The following WDR18 variants were observed in gnomAD, a reference collection of about 807,000 sequenced individuals.
WDR18 encodes WD repeat-containing protein 18.
A neutral mutation model predicts 49.6 loss-of-function variants in WDR18; 33 were observed. The ratio of observed to expected loss-of-function variants is 0.67; its 90% CI spans 0.50 to 0.89. The LOEUF (loss-of-function observed/expected upper bound fraction) is 0.89, where lower values mean the gene tolerates loss of function less well. WDR18 is among the 40% of genes least tolerant of loss of function. The pLI, the probability that WDR18 is intolerant of heterozygous loss-of-function variation, is 0.00. For synonymous variants in WDR18, 315 were observed against 263.6 expected (o/e 1.19, Z -1.89); for missense variants, 653 against 593.6 (o/e 1.10, Z -1.04).
rs748069476 is a variant in WDR18 at position 984,453 on chromosome 19, T to C, written c.100T>C (p.Tyr34His). Reference protein sequence around the residue: ...ELHSGANLLTYRGGQAGPRGL... With the variant: ...ELHSGANLLTHRGGQAGPRGL... The stretch of plus-strand genomic sequence containing the variant: ...TCACTCGGGCGCCAACCTGCTCACC[T>C]ACCGCGGCGGCCAGGCGGGACCCCG... The change falls in exon 1 of 10, where the codon TAC becomes CAC. Residue 34 changes from tyrosine (Y) to histidine (H), a missense_variant. Transcript: ENST00000585809. The C allele has an allele frequency of 2.3e-5, 36 of 1,594,968 alleles. No individual in the cohort carries two copies. Among genetic ancestry groups the C allele is most frequent in the East Asian group, 9.2e-5 (4 of 43,250 alleles).
intron 7 of WDR18, 117 bp from the exon 8 acceptor site, chr19:991,838 G>A: frequency 8.8e-7 from 1 of 1,141,058 alleles, no homozygotes; most frequent in East Asian, 4.2e-5. Flanking sequence ...GGCGTGGACT[G>A]GCTGTGGGGC....
chr19:991,908 TGGGGCCTGGCTGGGATGGGGC>T (rs757315862), intron 7 of WDR18, 26 bp from the exon 8 acceptor site: 119 of 1,307,208 alleles, frequency 9.1e-5, no homozygotes, highest in East Asian at 6.3e-4. Flanking sequence ...TGCTGTGGGG[TGGGGCCTGGCTGGGATGGGGC>T]GGGGCCTGAC....
chr19:990,981 G>C lies in WDR18; in HGVS notation c.727G>C (p.Asp243His), dbSNP rs138607077. 5 of 1,609,200 alleles carry C rather than the reference G, an allele frequency of 3.1e-6. No homozygotes were observed. In the African/African-American group the frequency reaches 6.7e-5, roughly 21 times the overall value. Residue 243 changes from aspartate to histidine, a missense_variant, in exon 5 of 10, where the codon GAC becomes CAC. Asp to His is a moderately conservative substitution (Grantham distance 81). Transcript: ENST00000585809. ...CAGTGAGGGCTCCATCTTCCAGGTC[G>C]ACCTCTTCACCTGGGTGAGTGCCGC... ...GGSEGSIFQV[D>H]LFTWPGQRER...
At chr19:991,053 C>T (rs374991222) in intron 5 of WDR18, 28 bp from the exon 6 acceptor site, 16 of 1,600,336 alleles carry the variant, frequency 1.0e-5, no homozygotes, top group African/African-American at 1.3e-5. Context: ...ATCGGGCCTG[C>T]GGCTCACACA....
rs1480628522 is a variant in WDR18, at chr19:992,061, C to A, written c.1038C>A (p.Ala346=). The A allele has an allele frequency of 1.3e-6, 2 of 1,572,564 alleles. No individual in the cohort carries two copies. Among genetic ancestry groups the A allele is most frequent in the South Asian group, 1.1e-5 (1 of 87,132 alleles). Residue 346 remains alanine (A), a synonymous_variant, in exon 8 of 10, where the codon GCC becomes GCA. Transcript: ENST00000585809. The part of the protein sequence containing the change: ...LPHFNKHLLG[A]EHGDEPRHGG... ...ACTTCAACAAGCACCTGCTGGGCGC[C>A]GAGCACGGGGACGAGCCGCGCCACG...
At chr19:983,561 CT>C (rs34868789), upstream of WDR18, among the ~76,000 whole-genome samples, 6,805 of 141,672 alleles carry the variant, frequency 0.048, 327 homozygotes, top group African/African-American at 0.12. Context: ...AGCGCCCGGC[CT>C]TTTTTTTTTT....
At chr19:983,762 G>A (rs115280208), upstream of WDR18, among the ~76,000 whole-genome samples, 32 of 151,982 alleles carry the variant, frequency 2.1e-4, no homozygotes, top group African/African-American at 7.2e-4. Flanking sequence ...ACACTGGGCC[G>A]GGCGCGGTGG....
upstream of WDR18, among the ~76,000 whole-genome samples, chr19:983,405 C>G (rs1208164508): frequency 1.3e-5 from 2 of 152,098 alleles, no homozygotes; most frequent in African/African-American, 4.8e-5. Context: ...GATTCTCCTG[C>G]CTCAGCCTCC....
chr19:994,396 G>A lies in WDR18; in HGVS notation c.*52G>A. ...CCAGGCCTGAGCCCCATGCCTCCCA[G>A]CAACCAGGGCCCGCGGGTGTGGCCC... On this transcript the variant is annotated 3_prime_UTR_variant, in exon 10 of 10. Coordinates refer to ENST00000585809, the MANE Select transcript of WDR18 (RefSeq NM_024100.4). The A allele has an allele frequency of 6.4e-7, 1 of 1,559,986 alleles. No homozygotes were observed.
Position 985,397 on chromosome 19 carries a change from T to A in WDR18, c.211-468T>A, listed in dbSNP as rs191667859. Among the ~76,000 whole-genome samples the A allele has an allele frequency of 5.1e-4, 78 of 152,280 alleles. 1 individual carries two copies. The South Asian group carries it at 0.015, about 29-fold the overall frequency. ...GTTGGCCAGGCTGGTCTCGAACTCC[T>A]GACCTCAAGTGATCTGCCCACCTCA... is the stretch of plus-strand genomic sequence containing the variant. On this transcript the variant is annotated intron_variant, in intron 1 of 9. Coordinates refer to ENST00000585809, the MANE Select transcript of WDR18 (RefSeq NM_024100.4).
chr19:990,072 G>C (rs2038523326), intron 3 of WDR18, 151 bp from the exon 4 acceptor site: 26 of 1,376,498 alleles, frequency 1.9e-5, no homozygotes, highest in Non-Finnish European at 2.5e-5. Flanking sequence ...TTGTTCTGGG[G>C]GCCGTGGGGG....
In WDR18 at chr19:991,942, C is replaced by A; in HGVS notation, c.932-13C>A. ...GCTGGGATGGGGCGGGGCCTGACCT[C>A]CGCGCCCCCCAGGCCCAGTCACCAA... is the stretch of plus-strand genomic sequence containing the variant. On this transcript the variant is annotated splice_polypyrimidine_tract_variant and intron_variant, in intron 7 of 9. Coordinates refer to ENST00000585809, the MANE Select transcript of WDR18 (RefSeq NM_024100.4). 2 of 1,560,652 alleles carry A rather than the reference C, an allele frequency of 1.3e-6. No homozygotes were observed. Among genetic ancestry groups the A allele is most frequent in the South Asian group, 1.2e-5 (1 of 86,084 alleles).
At chr19:984,043 C>T (rs2038446299), upstream of WDR18, among the ~76,000 whole-genome samples, 1 of 152,216 alleles carries the variant, frequency 6.6e-6, no homozygotes, top group Admixed American at 6.5e-5. Flanking sequence ...GAGCTTGAGT[C>T]ACTTGGCCAA....
Position 992,133 on chromosome 19 carries a change from A to T in WDR18, c.1098+12A>T, listed in dbSNP as rs907986689. On this transcript the variant is annotated intron_variant, in intron 8 of 9. Coordinates refer to ENST00000585809, the MANE Select transcript of WDR18 (RefSeq NM_024100.4). The stretch of plus-strand genomic sequence containing the variant: ...GCCTCCACCAGCAGGTACGGCCCCC[A>T]GCAGGGAACCCCCACTGCCCTTTTG... 4 of 1,449,618 alleles carry T rather than the reference A, an allele frequency of 2.8e-6. No homozygotes were observed. Among genetic ancestry groups the T allele is most frequent in the Non-Finnish European group, 3.6e-6 (4 of 1,108,242 alleles). 89.8% of individuals were successfully genotyped at this position (1,449,618 alleles called of 1,614,324 possible). A position where few individuals can be genotyped will look rare whatever the true frequency, so the allele number is the denominator to read the frequency against.
intron 2 of WDR18, among the ~76,000 whole-genome samples, chr19:988,186 C>T (rs1323714283): frequency 1.3e-5 from 2 of 152,108 alleles, no homozygotes; most frequent in African/African-American, 4.8e-5. Context: ...CCCACATAGC[C>T]AGAGCTCAGG....
At chr19:990,093 A>G in intron 3 of WDR18, 130 bp from the exon 4 acceptor site, 3 of 1,389,896 alleles carry the variant, frequency 2.2e-6, no homozygotes, top group Non-Finnish European at 2.9e-6. Flanking sequence ...CCCAGCCTTG[A>G]GTTTACTCAG....
rs767676623 is a variant in WDR18 at position 984,360 on chromosome 19, G to C, written c.7G>C (p.Ala3Pro). ...GGGCGGTGGGGAAGGCAAGATGGCG[G>C]CGCCCATGGAGGTGGCCGTGTGTAC... Reference protein sequence around the residue: MAAPMEVAVCTDS... With the variant: MAPPMEVAVCTDS... The change falls in exon 1 of 10, where the codon GCG becomes CCG. Residue 3 changes from alanine to proline, a missense_variant. Coordinates refer to ENST00000585809, the MANE Select transcript of WDR18 (RefSeq NM_024100.4). 6.3e-7 allele frequency: 1 copy of C among 1,590,976 alleles called. No homozygotes were observed.
In WDR18 at chr19:990,616, G is replaced by A. The variant is rs1229772914; in HGVS notation, c.598-236G>A. On this transcript the variant is annotated intron_variant, in intron 4 of 9. Coordinates refer to ENST00000585809, the MANE Select transcript of WDR18 (RefSeq NM_024100.4). ...CGGAGGTCATCACTATGCTTGAGTC[G>A]TGACCGGTGGTCCTGGGAGGGAGAA... The A allele has an allele frequency of 1.6e-5, 13 of 803,082 alleles. 1 individual carries two copies. The highest frequency in any genetic ancestry group is 1.0e-4 in the South Asian group (5 of 47,828). The allele number at this position is 803,082 out of a possible 1,614,324, so 49.7% of individuals were successfully genotyped here.
At chr19:983,816 G>A (rs1384092209), upstream of WDR18, among the ~76,000 whole-genome samples, 1 of 151,826 alleles carries the variant, frequency 6.6e-6, no homozygotes, top group East Asian at 2.0e-4. Flanking sequence ...GAGCTGGGAG[G>A]ATCACTTGAG....
Sources: allele counts gnomAD v4.1 joint callset (sites outside exome capture counted in the v4.1 genomes callset), GRCh38; gene constraint gnomAD v4.1.1; transcripts MANE v1.5; gene names NCBI Gene and HGNC (gene_info 2026-07-23, HGNC 2026-07-21).